Variants in TMLHE observed in about 807,000 individuals in gnomAD.
TMLHE encodes the protein trimethyllysine hydroxylase, epsilon, also known as trimethyllysine dioxygenase, mitochondrial.
A neutral mutation model predicts 25.7 loss-of-function variants in TMLHE; 18 were observed. The observed-to-expected ratio is 0.70, with a 90% confidence interval of 0.48 to 1.04. TMLHE has a LOEUF of 1.04. Among genes scored for constraint, TMLHE ranks in the 50% least tolerant of loss-of-function variants. The pLI, the probability that TMLHE is intolerant of heterozygous loss-of-function variation, is 0.00. For synonymous variants in TMLHE, 105 were observed against 97.0 expected, an observed-to-expected ratio of 1.08 and a Z score of -0.49; for missense variants, 236 against 259.0, an observed-to-expected ratio of 0.91 and a Z score of 0.61.
At chrX:155,505,879 A>T (rs1293938084) in intron 6 of TMLHE, among the ~76,000 whole-genome samples, 4 of 111,370 alleles carry the variant, frequency 3.6e-5, no homozygotes, top group East Asian at 2.8e-4. Flanking sequence ...ATTAATGCAC[A>T]GTAACAGTTT....
rs2067447710 is a variant in TMLHE at position 155,555,656 on chromosome X, G to T, written c.-1-10379C>A. On this transcript the variant is annotated intron_variant, in intron 1 of 7. Transcript: ENST00000334398. The stretch of plus-strand genomic sequence containing the variant: ...ATGATGAGCATTTTTTCATGTGTCT[G>T]TTGGCTGCATAAATGTCTTTTGAGA... Among the ~76,000 whole-genome samples the T allele has an allele frequency of 2.7e-5, 3 of 111,010 alleles. 1 individual carries two copies. The highest frequency in any genetic ancestry group is 5.7e-5 in the Non-Finnish European group (3 of 52,870).
chrX:155,595,797 A>C (rs1357021656), intron 1 of TMLHE, among the ~76,000 whole-genome samples: 2 of 112,047 alleles, frequency 1.8e-5, no homozygotes, highest in African/African-American at 6.5e-5. Context: ...TTATATGACA[A>C]GATAAGGCAA....
chrX:155,568,640 C>G (rs369375432), intron 1 of TMLHE, among the ~76,000 whole-genome samples: 1 of 61,907 alleles, frequency 1.6e-5, no homozygotes, highest in African/African-American at 3.6e-5. Context: ...GACAAAACTT[C>G]CAGAGGAACG....
At chrX:155,604,865 G>A (rs1395318149) in intron 1 of TMLHE, among the ~76,000 whole-genome samples, 3 of 111,700 alleles carry the variant, frequency 2.7e-5, no homozygotes, top group East Asian at 2.8e-4. Context: ...TAAAGACCCC[G>A]CACAAAGCTC....
At chrX:155,559,882 A>C (rs1256685494) in intron 1 of TMLHE, among the ~76,000 whole-genome samples, 1 of 112,118 alleles carries the variant, frequency 8.9e-6, no homozygotes, top group African/African-American at 3.2e-5. Context: ...AATCTTCTTA[A>C]AACACTTTCA....
At chrX:155,506,832 T>C in intron 6 of TMLHE, 66 bp downstream of exon 6, 1 of 922,146 alleles carries the variant, frequency 1.1e-6, no homozygotes, top group Non-Finnish European at 1.6e-6. Flanking sequence ...TTAGGGATTT[T>C]TGTTACATTA....
intron 1 of TMLHE, among the ~76,000 whole-genome samples, chrX:155,579,094 G>C (rs1557344179): frequency 1.5e-5 from 1 of 65,085 alleles, no homozygotes; most frequent in Non-Finnish European, 3.1e-5. Flanking sequence ...ACTGGTGAAA[G>C]AAATTGTACA....
chrX:155,510,327 C>A (rs1423312823), intron 5 of TMLHE, among the ~76,000 whole-genome samples: 1 of 105,247 alleles, frequency 9.5e-6, no homozygotes, highest in Non-Finnish European at 1.9e-5. Flanking sequence ...TATACATGTG[C>A]CATGCTGGTG....
intron 2 of TMLHE, among the ~76,000 whole-genome samples, chrX:155,536,455 G>A (rs1217949760): frequency 1.8e-5 from 2 of 111,189 alleles, no homozygotes; most frequent in Non-Finnish European, 3.8e-5. Flanking sequence ...TATAAGCAGT[G>A]TAGTAGTGGA....
At chrX:155,607,700 C>A (rs1557347973) in intron 1 of TMLHE, among the ~76,000 whole-genome samples, 2 of 112,131 alleles carry the variant, frequency 1.8e-5, no homozygotes, top group African/African-American at 6.5e-5. Context: ...ATATCAACAA[C>A]TTCAGCAAAG....
rs184599137 is a variant in TMLHE, at chrX:155,526,142, A to C, written c.182-1510T>G. On this transcript the variant is annotated intron_variant, in intron 2 of 7. Transcript: ENST00000334398. Reference sequence around the variant, plus strand: ...TCCAGGGCATGTCAGAGACCTTTGCAGGAGCCCATCCCATTACAGGCCCTG... The same window carrying C: ...TCCAGGGCATGTCAGAGACCTTTGCCGGAGCCCATCCCATTACAGGCCCTG... Among the ~76,000 whole-genome samples the C allele has an allele frequency of 4.1e-4, 46 of 113,056 alleles. No homozygotes were observed. In the East Asian group the frequency reaches 0.012, roughly 29 times the overall value.
chrX:155,556,847 G>T (rs1206391949), intron 1 of TMLHE, among the ~76,000 whole-genome samples: 1 of 111,108 alleles, frequency 9.0e-6, no homozygotes, highest in African/African-American at 3.3e-5. Flanking sequence ...GTACGCCCCG[G>T]GGGGGCCAGT....
chrX:155,508,930 T>TA (rs782726171), intron 5 of TMLHE, among the ~76,000 whole-genome samples: 2 of 110,202 alleles, frequency 1.8e-5, no homozygotes, highest in African/African-American at 3.3e-5. Flanking sequence ...TAAACGGAGA[T>TA]AGAGTCCAAG....
chrX:155,547,091 A>G (rs928912531), intron 1 of TMLHE, among the ~76,000 whole-genome samples: 1 of 110,274 alleles, frequency 9.1e-6, no homozygotes, highest in African/African-American at 3.3e-5. Flanking sequence ...CCAAAAATCT[A>G]CTCTTAAGTA....
chrX:155,585,143 A>T (rs2067656074), intron 1 of TMLHE, among the ~76,000 whole-genome samples: 1 of 111,879 alleles, frequency 8.9e-6, no homozygotes, highest in Admixed American at 9.5e-5. Context: ...ATGCAAATGG[A>T]CTAAATTCTC....
rs1291281341 is a variant in TMLHE at position 155,567,908 on chromosome X, C to T, written c.-1-22631G>A. ...AGTCTACAGCTCCCAGCGTGAGCAA[C>T]GCAAAAGATGGGCGATTTCTCCATT... On this transcript the variant is annotated intron_variant, in intron 1 of 7. Coordinates refer to ENST00000334398, the MANE Select transcript of TMLHE (RefSeq NM_018196.4). 4.9e-5 allele frequency among the ~76,000 whole-genome samples: 3 copies of T among 61,840 alleles called. 1 individual carries two copies. Among genetic ancestry groups the T allele is most frequent in the Admixed American group, 1.9e-4 (1 of 5,313 alleles). 53.7% of individuals were successfully genotyped at this position (61,840 alleles called of 115,157 possible).
At chrX:155,598,211 G>A (rs1401980890) in intron 1 of TMLHE, among the ~76,000 whole-genome samples, 3 of 111,489 alleles carry the variant, frequency 2.7e-5, no homozygotes, top group African/African-American at 9.8e-5. Flanking sequence ...TGAGAAAGAA[G>A]ATGTAGATGA....
intron 2 of TMLHE, among the ~76,000 whole-genome samples, chrX:155,533,876 A>G (rs1489139487): frequency 8.9e-6 from 1 of 112,244 alleles, no homozygotes; most frequent in Non-Finnish European, 1.9e-5. Context: ...GCGAGAAGAG[A>G]TAAATGAATT....
chrX:155,547,207 C>A (rs782391938), intron 1 of TMLHE, among the ~76,000 whole-genome samples: 85 of 94,496 alleles, frequency 9.0e-4, no homozygotes, highest in Non-Finnish European at 1.7e-3. Flanking sequence ...TGCAGTGGCG[C>A]TATCTCGGCT....
Sources: allele counts gnomAD v4.1 joint callset (sites outside exome capture counted in the v4.1 genomes callset), GRCh38; gene constraint gnomAD v4.1.1; transcripts MANE v1.5; gene names NCBI Gene and HGNC (gene_info 2026-07-23, HGNC 2026-07-21).